Variants in INPP5D observed in about 807,000 individuals in gnomAD.
INPP5D encodes inositol polyphosphate-5-phosphatase D.
A neutral mutation model predicts 122.9 loss-of-function variants in INPP5D; 33 were observed. That is an observed-to-expected ratio of 0.27 (90% confidence interval 0.20 to 0.36). The LOEUF is 0.36. Ranked by LOEUF, INPP5D falls within the 10% of genes least tolerant of loss-of-function variation. The probability of loss-of-function intolerance (pLI) is 1.00; values close to 1 mark genes in which losing one functional copy is unlikely to be tolerated. For missense variants in INPP5D, 1,053 were observed against 1,412.7 expected (o/e 0.75, Z 4.08); for synonymous variants, 584 against 576.2 (o/e 1.01, Z -0.19).
chr2:233,144,661 ATGG>A (rs1239952333), intron 6 of INPP5D, among the ~76,000 whole-genome samples: 7 of 82,848 alleles, frequency 8.4e-5, no homozygotes, highest in African/African-American at 2.0e-4. Context: ...TGGGGTAGAG[ATGG>A]TGGTGGTGAT....
chr2:233,195,560 G>C, intron 24 of INPP5D, 65 bp downstream of exon 24: 1 of 1,605,510 alleles, frequency 6.2e-7, no homozygotes, highest in South Asian at 1.1e-5. Context: ...AAATTAGCAT[G>C]GTTTGGCCGG....
chr2:233,163,277 C>T (rs1481445808), intron 11 of INPP5D, among the ~76,000 whole-genome samples: 1 of 152,182 alleles, frequency 6.6e-6, no homozygotes, highest in African/African-American at 2.4e-5. Flanking sequence ...CCGCTCTGGG[C>T]TGGGATCTGT....
In INPP5D at chr2:233,170,362, A is replaced by G. The variant is rs1007332964; in HGVS notation, c.1792-134A>G. ...TCCCCTGTGCTCACACCCGGTTCCC[A>G]TAACTGTCACAGCCACCCTGCCACC... On this transcript the variant is annotated intron_variant, in intron 15 of 26. Coordinates refer to ENST00000445964, the MANE Select transcript of INPP5D (RefSeq NM_001017915.3). The surrounding 1 kb of genome is among the most constrained non-coding windows in gnomAD (Gnocchi z 4.5). 2 of 1,498,924 alleles carry G rather than the reference A, an allele frequency of 1.3e-6. No individual in the cohort carries two copies. Among genetic ancestry groups the G allele is most frequent in the Non-Finnish European group, 1.8e-6 (2 of 1,115,300 alleles). 92.9% of individuals were successfully genotyped at this position (1,498,924 alleles called of 1,614,324 possible). A position where few individuals can be genotyped will look rare whatever the true frequency, so the allele number is the denominator to read the frequency against.
rs143360159 is a variant in INPP5D, at chr2:233,179,518, C to T, written c.2071+2172C>T. Among the ~76,000 whole-genome samples the T allele has an allele frequency of 2.3e-3, 344 of 152,270 alleles. 4 individuals are homozygous for T. Among genetic ancestry groups the T allele is most frequent in the African/African-American group, 7.0e-3 (290 of 41,548 alleles). On this transcript the variant is annotated intron_variant, in intron 18 of 26. Transcript: ENST00000445964. The stretch of plus-strand genomic sequence containing the variant: ...TAGAGAAAGAGGAGGGAGATCAGTC[C>T]GGAAGTGGCAATGAGGAGCAGGAAG...
chr2:233,084,491 C>T (rs999961591), intron 2 of INPP5D, among the ~76,000 whole-genome samples: 1 of 152,212 alleles, frequency 6.6e-6, no homozygotes, highest in Non-Finnish European at 1.5e-5. Flanking sequence ...AAAGAAGAGA[C>T]ACTTGTGACT....
At chr2:233,161,097 A>C (rs1192062703) in intron 10 of INPP5D, among the ~76,000 whole-genome samples, 1 of 151,596 alleles carries the variant, frequency 6.6e-6, no homozygotes, top group Admixed American at 6.6e-5. Flanking sequence ...GGTCTAGAAT[A>C]CTTTTTTTTT....
rs1025895601 is a variant in INPP5D at position 233,188,312 on chromosome 2, G to A, written c.2359-1538G>A. ...AATCCCTGCTGTGGCCCCCTAGATAGTTCTCCTCCCTGCCACCGCCTGCCA... is the reference window on the plus strand; with the variant it reads ...AATCCCTGCTGTGGCCCCCTAGATAATTCTCCTCCCTGCCACCGCCTGCCA... On this transcript the variant is annotated intron_variant, in intron 21 of 26. Coordinates refer to ENST00000445964, the MANE Select transcript of INPP5D (RefSeq NM_001017915.3). This position sits in a 1 kb window ranked among gnomAD's most constrained non-coding sequence, Gnocchi z 4.7. Among the ~76,000 whole-genome samples the A allele has an allele frequency of 2.6e-5, 4 of 152,004 alleles. No homozygotes were observed. The South Asian group carries it at 8.3e-4, about 32-fold the overall frequency.
rs182822705 is a variant in INPP5D, at chr2:233,171,125, C to T, written c.1962C>T (p.Tyr654=). 190 of 1,613,742 alleles carry T rather than the reference C, an allele frequency of 1.2e-4. No individual in the cohort carries two copies. The African/African-American group carries it at 1.8e-3, about 15-fold the overall frequency. The part of the protein sequence containing the change: ...YRFERLTRDK[Y]AYTKQKATGM... ...TTGAGAGACTGACTCGGGACAAATA[C>T]GCCTACACCAAGCAGAAAGCGACAG... is the stretch of plus-strand genomic sequence containing the variant. Residue 654 remains tyrosine, a synonymous_variant, in exon 17 of 27, where the codon TAC becomes TAT. Transcript: ENST00000445964.
Position 233,133,272 on chromosome 2 carries a change from C to T in INPP5D, c.665+2624C>T, listed in dbSNP as rs10933433. ...GTAAATGTCATGGTAAGATAAAACA[C>T]GATGATGTGAGGAAGAGACATTGGG... On this transcript the variant is annotated intron_variant, in intron 5 of 26. Coordinates refer to ENST00000445964, the MANE Select transcript of INPP5D (RefSeq NM_001017915.3). 3.3e-5 allele frequency among the ~76,000 whole-genome samples: 5 copies of T among 152,002 alleles called. No homozygotes were observed. In the South Asian group the frequency reaches 6.2e-4, roughly 19 times the overall value.
At chr2:233,116,461 G>A (rs1239723167) in intron 2 of INPP5D, among the ~76,000 whole-genome samples, 1 of 151,664 alleles carries the variant, frequency 6.6e-6, no homozygotes, top group East Asian at 1.9e-4. Flanking sequence ...GCTAATATTT[G>A]TATTTTTTGT....
At chr2:233,195,756 C>A (rs1695168018) in intron 24 of INPP5D, among the ~76,000 whole-genome samples, 1 of 152,138 alleles carries the variant, frequency 6.6e-6, no homozygotes, top group East Asian at 1.9e-4. Context: ...TGCTTGAGGT[C>A]AGGAGTTTGA....
In INPP5D at chr2:233,130,638, G is replaced by A; in HGVS notation, c.655G>A (p.Glu219Lys). Residue 219 changes from glutamate to lysine, a missense_variant, in exon 5 of 27, where the codon GAG becomes AAG. Physicochemically the swap from Glu to Lys is moderately conservative, Grantham distance 56. Transcript: ENST00000445964. ...GAAACTGACCACACTGCTCTGCAAGGAGCTCTATGGGTAATGGCTGGCCCA... is the reference window on the plus strand; with the variant it reads ...GAAACTGACCACACTGCTCTGCAAGAAGCTCTATGGGTAATGGCTGGCCCA... ...LKKLTTLLCK[E>K]LYGEVIRTLP... 1 of 1,613,978 alleles carries A rather than the reference G, an allele frequency of 6.2e-7. No individual in the cohort carries two copies.
chr2:233,154,676 C>A (rs970584052), intron 9 of INPP5D, among the ~76,000 whole-genome samples: 1 of 152,176 alleles, frequency 6.6e-6, no homozygotes, highest in Non-Finnish European at 1.5e-5. Context: ...AGGTCTGAGT[C>A]CTGAAGACCT....
At chr2:233,163,264 C>T (rs955181675) in intron 11 of INPP5D, among the ~76,000 whole-genome samples, 1 of 152,168 alleles carries the variant, frequency 6.6e-6, no homozygotes, top group African/African-American at 2.4e-5. Flanking sequence ...CCCAGGCATC[C>T]CTCCGCTCTG....
chr2:233,178,372 G>A (rs555770512), intron 18 of INPP5D, among the ~76,000 whole-genome samples: 1 of 152,124 alleles, frequency 6.6e-6, no homozygotes, highest in Non-Finnish European at 1.5e-5. Context: ...CTACTGATTA[G>A]TTCCCATTAC....
intron 1 of INPP5D, among the ~76,000 whole-genome samples, chr2:233,065,496 A>G (rs531157176): frequency 6.7e-6 from 1 of 150,320 alleles, no homozygotes; most frequent in Non-Finnish European, 1.5e-5. Context: ...TGTTATCCTC[A>G]GGTGATCTGG....
At chr2:233,125,128 G>A (rs577419994) in intron 3 of INPP5D, among the ~76,000 whole-genome samples, 2 of 152,358 alleles carry the variant, frequency 1.3e-5, no homozygotes, top group African/African-American at 4.8e-5. Context: ...GCGATGGGTG[G>A]GCTCCCACCT....
In INPP5D at chr2:233,204,237, T is replaced by C. The variant is rs1232044563; in HGVS notation, c.3087T>C (p.Pro1029=). Reference sequence around the variant, plus strand: ...TGTATGGGTCCCTGAGTTCCTTCCCTAAGCCTGCTCCCAGGAAGGACCAGG... The same window carrying C: ...TGTATGGGTCCCTGAGTTCCTTCCCCAAGCCTGCTCCCAGGAAGGACCAGG... ...NPLYGSLSSF[P]KPAPRKDQES... Residue 1029 remains proline (P), a synonymous_variant, in exon 26 of 27, where the codon CCT becomes CCC. Transcript: ENST00000445964. 6.2e-7 allele frequency: 1 copy of C among 1,613,510 alleles called. No homozygotes were observed. The highest frequency in any genetic ancestry group is 8.5e-7 in the Non-Finnish European group (1 of 1,179,836).
intron 6 of INPP5D, chr2:233,141,369 C>T (rs1046956098): frequency 3.3e-5 from 5 of 152,244 alleles, no homozygotes; most frequent in Non-Finnish European, 7.3e-5. Flanking sequence ...GAATTTGAGA[C>T]CAACCTGACC....
Sources: allele counts gnomAD v4.1 joint callset (sites outside exome capture counted in the v4.1 genomes callset), GRCh38; gene constraint gnomAD v4.1.1; non-coding constraint Gnocchi (gnomAD v3.1); transcripts MANE v1.5; gene names NCBI Gene and HGNC (gene_info 2026-07-23, HGNC 2026-07-21).